Variants in NFIA observed in about 807,000 individuals in gnomAD.
NFIA encodes nuclear factor I A.
NFIA carries 8 observed loss-of-function variants against 62.8 expected under a neutral mutation model. The observed-to-expected ratio is 0.13, with a 90% CI of 0.07 to 0.23. The LOEUF (loss-of-function observed/expected upper bound fraction) is 0.23, where lower values mean the gene tolerates loss of function less well. Among genes scored for constraint, NFIA ranks in the 10% least tolerant of loss-of-function variants. The pLI is 1.00. For missense variants in NFIA, 410 were observed against 642.1 expected (o/e 0.64, Z 3.91); for synonymous variants, 235 against 238.1 (o/e 0.99, Z 0.12).
rs6668860 is a variant in NFIA at position 61,095,513 on chromosome 1, A to T, written c.559+6833A>T. On this transcript the variant is annotated intron_variant, in intron 2 of 10. Coordinates refer to ENST00000403491, the MANE Select transcript of NFIA (RefSeq NM_001134673.4). ...TTGTTTAGGGTTGGATGTCGTTTTC[A>T]TGGTATCACACACCTGTCTTGAATC... Among the ~76,000 whole-genome samples, 1,196 of 152,264 alleles carry T rather than the reference A, an allele frequency of 7.9e-3. 19 individuals are homozygous for T. Among genetic ancestry groups the T allele is most frequent in the African/African-American group, 0.027 (1,113 of 41,538 alleles).
chr1:61,389,816 G>C (rs1263264590), intron 7 of NFIA, among the ~76,000 whole-genome samples: 1 of 151,264 alleles, frequency 6.6e-6, no homozygotes, highest in African/African-American at 2.4e-5. Context: ...CCTTGCTACT[G>C]GTAAATTTGT....
intron 10 of NFIA, among the ~76,000 whole-genome samples, chr1:61,429,419 A>G (rs1194210724): frequency 6.6e-6 from 1 of 152,182 alleles, no homozygotes; most frequent in Non-Finnish European, 1.5e-5. Flanking sequence ...TGTGCTCTCT[A>G]ACCACTGTAT....
intron 2 of NFIA, among the ~76,000 whole-genome samples, chr1:61,161,752 C>A (rs1030199713): frequency 6.6e-6 from 1 of 152,192 alleles, no homozygotes; most frequent in Admixed American, 6.5e-5. Flanking sequence ...TATATACACA[C>A]ACACACACCC....
chr1:61,219,353 G>A (rs1331394213), intron 2 of NFIA, among the ~76,000 whole-genome samples: 1 of 151,990 alleles, frequency 6.6e-6, no homozygotes, highest in Non-Finnish European at 1.5e-5. Context: ...TATGGATTTG[G>A]CATATATAAG....
At chr1:61,343,062 A>G (rs1662015192) in intron 4 of NFIA, among the ~76,000 whole-genome samples, 1 of 152,216 alleles carries the variant, frequency 6.6e-6, no homozygotes, top group Non-Finnish European at 1.5e-5. Flanking sequence ...AGCTCGTGTA[A>G]TTTTAGTTCA....
At chr1:61,340,754 G>A (rs575713741) in intron 4 of NFIA, among the ~76,000 whole-genome samples, 1 of 151,180 alleles carries the variant, frequency 6.6e-6, no homozygotes, top group Non-Finnish European at 1.5e-5. Context: ...TAGAATTCAT[G>A]TTCTAACAAC....
intron 2 of NFIA, among the ~76,000 whole-genome samples, chr1:61,139,616 C>T (rs908204963): frequency 1.3e-5 from 2 of 152,048 alleles, no homozygotes; most frequent in Admixed American, 6.5e-5. Context: ...TCTCTTGTCT[C>T]GATTCTGAGT....
intron 9 of NFIA, among the ~76,000 whole-genome samples, chr1:61,421,549 C>G (rs1666621023): frequency 6.6e-6 from 1 of 152,122 alleles, no homozygotes; most frequent in Admixed American, 6.5e-5. Flanking sequence ...TTTAGGGTAC[C>G]TCATCGCTTC....
chr1:61,211,019 T>G (rs1653218821), intron 2 of NFIA, among the ~76,000 whole-genome samples: 1 of 152,218 alleles, frequency 6.6e-6, no homozygotes, highest in South Asian at 2.1e-4. Flanking sequence ...AAATTTCAAG[T>G]AAGAAAATAG....
chr1:61,413,812 G>A (rs182568607), intron 9 of NFIA, among the ~76,000 whole-genome samples: 66 of 151,258 alleles, frequency 4.4e-4, no homozygotes, highest in African/African-American at 1.5e-3. Flanking sequence ...TTTTTTAGTG[G>A]AGACAGGGTT....
chr1:61,106,931 T>C (rs1192119064), intron 2 of NFIA, among the ~76,000 whole-genome samples: 1 of 151,114 alleles, frequency 6.6e-6, no homozygotes, highest in Non-Finnish European at 1.5e-5. Flanking sequence ...AAAAATCATA[T>C]ATACACACAT....
rs190886370 is a variant in NFIA, at chr1:61,335,541, C to T, written c.700+2955C>T. On this transcript the variant is annotated intron_variant, in intron 4 of 10. Coordinates refer to ENST00000403491, the MANE Select transcript of NFIA (RefSeq NM_001134673.4). ...GGACCTGGGGTGCATTCTGTATCCT[C>T]GAATAGAAATAAGCTAACTGGCCAG... is the stretch of plus-strand genomic sequence containing the variant. 6.0e-4 allele frequency among the ~76,000 whole-genome samples: 91 copies of T among 152,206 alleles called. 2 individuals carry two copies. In the East Asian group the frequency reaches 0.013, roughly 21 times the overall value.
chr1:61,181,768 C>T (rs538026971), intron 2 of NFIA, among the ~76,000 whole-genome samples: 12 of 151,980 alleles, frequency 7.9e-5, no homozygotes, highest in South Asian at 6.2e-4. Flanking sequence ...AAAGAAATTC[C>T]TGTGATAGTA....
Position 61,277,865 on chromosome 1 carries a change from G to A in NFIA, c.625+280G>A, listed in dbSNP as rs12562657. Among the ~76,000 whole-genome samples, 7,141 of 152,164 alleles carry A rather than the reference G, an allele frequency of 0.047. 557 individuals carry two copies. Among genetic ancestry groups the A allele is most frequent in the African/African-American group, 0.15 (6,394 of 41,476 alleles). ...ATTACCCAATTAAACTATGAGAAGTGGGGTTAATTTACCAAATCAGATTTT... is the reference window on the plus strand; with the variant it reads ...ATTACCCAATTAAACTATGAGAAGTAGGGTTAATTTACCAAATCAGATTTT... On this transcript the variant is annotated intron_variant, in intron 3 of 10. Transcript: ENST00000403491.
intron 6 of NFIA, among the ~76,000 whole-genome samples, chr1:61,378,859 C>A (rs548756594): frequency 2.3e-3 from 357 of 152,326 alleles, no homozygotes; most frequent in Non-Finnish European, 3.7e-3. Context: ...GAGGCCCCTG[C>A]AGTTCCTTAC....
At chr1:61,383,494 T>C in intron 7 of NFIA, 129 bp downstream of exon 7, 6 of 1,197,340 alleles carry the variant, frequency 5.0e-6, no homozygotes, top group Non-Finnish European at 6.7e-6. Flanking sequence ...TTTCTTACCC[T>C]TGGGGGCAGC....
chr1:61,377,339 G>A lies in NFIA; in HGVS notation c.947-5898G>A, dbSNP rs189842871. On this transcript the variant is annotated intron_variant, in intron 6 of 10. Coordinates refer to ENST00000403491, the MANE Select transcript of NFIA (RefSeq NM_001134673.4). ...ATTATTTTCAGCCTGGTTTTTGGAC[G>A]TGATCGACATGCAGAGATTTAATCT... is the stretch of plus-strand genomic sequence containing the variant. Among the ~76,000 whole-genome samples, 972 of 152,214 alleles carry A rather than the reference G, an allele frequency of 6.4e-3. 8 individuals are homozygous for A. Among genetic ancestry groups the A allele is most frequent in the South Asian group, 0.018 (87 of 4,812 alleles).
chr1:61,450,574 G>A (rs1395052077), intron 10 of NFIA, among the ~76,000 whole-genome samples: 1 of 152,160 alleles, frequency 6.6e-6, no homozygotes, highest in Non-Finnish European at 1.5e-5. Context: ...GGGCCTGCAG[G>A]GTGCGGGGAG....
intron 3 of NFIA, among the ~76,000 whole-genome samples, chr1:61,305,581 C>T (rs1659724390): frequency 6.6e-6 from 1 of 152,160 alleles, no homozygotes; most frequent in South Asian, 2.1e-4. Context: ...AAACTGAGAG[C>T]CTAGACATTT....
Sources: allele counts gnomAD v4.1 joint callset (sites outside exome capture counted in the v4.1 genomes callset), GRCh38; gene constraint gnomAD v4.1.1; transcripts MANE v1.5; gene names NCBI Gene and HGNC (gene_info 2026-07-23, HGNC 2026-07-21).